SPIN1: variants seen among roughly 807,000 people sequenced by gnomAD.
SPIN1 encodes the protein spindlin-1.
Under a neutral mutation model 26.0 loss-of-function variants are expected in SPIN1, and 3 were observed. The observed-to-expected ratio is 0.12, with a 90% CI of 0.05 to 0.30. SPIN1 has a LOEUF of 0.30. SPIN1 is among the 10% of genes least tolerant of loss of function. SPIN1 has a pLI of 1.00. For synonymous variants in SPIN1, 101 were observed against 116.5 expected, an observed-to-expected ratio of 0.87 and a Z score of 0.86; for missense variants, 126 against 333.4, an observed-to-expected ratio of 0.38 and a Z score of 4.84.
intron 1 of SPIN1, among the ~76,000 whole-genome samples, chr9:88,416,424 C>G (rs1206429413): frequency 6.6e-6 from 1 of 152,024 alleles, no homozygotes; most frequent in Non-Finnish European, 1.5e-5. Flanking sequence ...TTCTTGGGCT[C>G]ATGGGATCCT....
At chr9:88,428,209 G>A (rs1402658544) in intron 2 of SPIN1, among the ~76,000 whole-genome samples, 1 of 152,014 alleles carries the variant, frequency 6.6e-6, no homozygotes, top group African/African-American at 2.4e-5. Flanking sequence ...AGATTCAGAG[G>A]TACGTGTTCA....
intron 1 of SPIN1, chr9:88,411,372 TC>T: frequency 6.3e-7 from 1 of 1,583,852 alleles, no homozygotes; most frequent in Non-Finnish European, 8.6e-7. Context: ...AAATGGCTCC[TC>T]AGGCTCTCAT....
chr9:88,422,552 CCTT>C (rs1827689693), intron 1 of SPIN1, among the ~76,000 whole-genome samples: 1 of 152,082 alleles, frequency 6.6e-6, no homozygotes, highest in African/African-American at 2.4e-5. Context: ...TTAGTGTTTT[CCTT>C]TTGATCTGTC....
chr9:88,408,368 CTTTTTTTCTTT>C (rs1827355811), intron 1 of SPIN1, among the ~76,000 whole-genome samples: 1 of 131,878 alleles, frequency 7.6e-6, no homozygotes, highest in African/African-American at 3.6e-5. Context: ...TTTTCTTTTC[CTTTTTTTCTTT>C]TTTTTTTTTT....
chr9:88,467,254 C>T (rs1316474491), intron 4 of SPIN1, among the ~76,000 whole-genome samples: 1 of 152,068 alleles, frequency 6.6e-6, no homozygotes. Context: ...GACCTGAGCT[C>T]CCAACCACAT....
intron 3 of SPIN1, among the ~76,000 whole-genome samples, chr9:88,454,371 AT>A (rs1317241814): frequency 2.6e-5 from 4 of 152,336 alleles, no homozygotes; most frequent in Admixed American, 2.0e-4. Flanking sequence ...AGACTGAATG[AT>A]CCAGATATGA....
rs562738823 is a variant in SPIN1, at chr9:88,392,620, T to TTTCC, written c.-159+4100_-159+4103dup. Among the ~76,000 whole-genome samples the TTTCC allele has an allele frequency of 2.4e-3, 371 of 152,034 alleles. 1 individual carries two copies. Among genetic ancestry groups the TTTCC allele is most frequent in the Non-Finnish European group, 1.6e-3 (108 of 67,942 alleles). On this transcript the variant is annotated intron_variant, in intron 1 of 5. Transcript: ENST00000375859. ...CCTTCCTTCCCTCCTTCCTTCCTTC[T>TTTCC]TTCCTTCCTTCCTTCCTTCCTCCCT...
In SPIN1 at chr9:88,477,926, A is replaced by G. The variant is rs1367989983; in HGVS notation, c.*2649A>G. 2 of 152,220 alleles carry G rather than the reference A, an allele frequency of 1.3e-5. No individual in the cohort carries two copies. Among genetic ancestry groups the G allele is most frequent in the Admixed American group, 6.5e-5 (1 of 15,282 alleles). The allele number at this position is 152,220 out of a possible 1,614,324, so 9.4% of individuals were successfully genotyped here. The stretch of plus-strand genomic sequence containing the variant: ...CAGACCATCCTTTTTTGCATGCTCT[A>G]TTCTAAGTAGAATGTTCAATGTAAC... On this transcript the variant is annotated 3_prime_UTR_variant, in exon 6 of 6. Coordinates refer to ENST00000375859, the MANE Select transcript of SPIN1 (RefSeq NM_006717.3).
chr9:88,458,977 G>A (rs776858601), intron 3 of SPIN1, among the ~76,000 whole-genome samples: 1 of 152,186 alleles, frequency 6.6e-6, no homozygotes, highest in East Asian at 1.9e-4. Context: ...CTAGAGTGGT[G>A]TTTGACCACA....
At chr9:88,475,023 G>C in intron 5 of SPIN1, 55 bp from the exon 6 acceptor site, 1 of 1,395,142 alleles carries the variant, frequency 7.2e-7, no homozygotes, top group South Asian at 1.6e-5. Flanking sequence ...TCTAAAAATT[G>C]ACTTAGAAAT....
intron 2 of SPIN1, among the ~76,000 whole-genome samples, chr9:88,445,710 C>A (rs563879754): frequency 6.6e-6 from 1 of 151,126 alleles, no homozygotes; most frequent in Non-Finnish European, 1.5e-5. Flanking sequence ...TTTTTCCCCC[C>A]GTATTTTTGG....
At chr9:88,421,244 A>C (rs112360941) in intron 1 of SPIN1, among the ~76,000 whole-genome samples, 1 of 152,114 alleles carries the variant, frequency 6.6e-6, no homozygotes, top group African/African-American at 2.4e-5. Context: ...TAATCTTACA[A>C]TATCTAATGT....
intron 2 of SPIN1, among the ~76,000 whole-genome samples, chr9:88,441,230 G>C (rs1828117171): frequency 6.6e-6 from 1 of 151,800 alleles, no homozygotes; most frequent in Non-Finnish European, 1.5e-5. Flanking sequence ...TATGGGACGG[G>C]ATGTGCCTAG....
chr9:88,447,814 C>T lies in SPIN1; in HGVS notation c.53-1127C>T, dbSNP rs866131172. Among the ~76,000 whole-genome samples, 6 of 152,280 alleles carry T rather than the reference C, an allele frequency of 3.9e-5. 1 individual carries two copies. The Middle Eastern group carries it at 0.02, about 518-fold the overall frequency. On this transcript the variant is annotated intron_variant, in intron 2 of 5. Transcript: ENST00000375859. ...AAAAGGGTGGTGTTCTTGGTTCCCCCTTCATACACCATTGCCCAAAAATTG... is the reference window on the plus strand; with the variant it reads ...AAAAGGGTGGTGTTCTTGGTTCCCCTTTCATACACCATTGCCCAAAAATTG...
chr9:88,404,748 T>G (rs1827258536), intron 1 of SPIN1, among the ~76,000 whole-genome samples: 1 of 151,838 alleles, frequency 6.6e-6, no homozygotes, highest in Non-Finnish European at 1.5e-5. Flanking sequence ...AAACCCTGTC[T>G]CTACTAAAAA....
chr9:88,457,117 G>A (rs1299008642), intron 3 of SPIN1, among the ~76,000 whole-genome samples: 1 of 152,164 alleles, frequency 6.6e-6, no homozygotes, highest in African/African-American at 2.4e-5. Flanking sequence ...AAAAGCGGGT[G>A]GAGGAGGAGA....
rs985725475 is a variant in SPIN1 at position 88,457,788 on chromosome 9, A to G, written c.102-4708A>G. On this transcript the variant is annotated intron_variant, in intron 3 of 5. Transcript: ENST00000375859. ...GAACTTTACCTGAAAGAATTACCAG[A>G]GGATGTATCTAGAAAGACAGAATAT... is the stretch of plus-strand genomic sequence containing the variant. 7.4e-6 allele frequency: 7 copies of G among 949,334 alleles called. No homozygotes were observed. In the African/African-American group the frequency reaches 1.2e-4, roughly 17 times the overall value. The allele number at this position is 949,334 out of a possible 1,614,324, so 58.8% of individuals were successfully genotyped here. A position where few individuals can be genotyped will look rare whatever the true frequency, so the allele number is the denominator to read the frequency against.
chr9:88,441,032 C>T (rs1434853966), intron 2 of SPIN1, among the ~76,000 whole-genome samples: 2 of 151,760 alleles, frequency 1.3e-5, no homozygotes, highest in Non-Finnish European at 2.9e-5. Context: ...AGTTGGCCCT[C>T]TGTATCCGTG....
intron 2 of SPIN1, among the ~76,000 whole-genome samples, chr9:88,441,077 T>A (rs1196471159): frequency 6.6e-6 from 1 of 151,880 alleles, no homozygotes; most frequent in Non-Finnish European, 1.5e-5. Context: ...AAACACAGAT[T>A]GAAAATATCC....
Sources: allele counts gnomAD v4.1 joint callset (sites outside exome capture counted in the v4.1 genomes callset), GRCh38; gene constraint gnomAD v4.1.1; transcripts MANE v1.5; gene names NCBI Gene and HGNC (gene_info 2026-07-23, HGNC 2026-07-21).